Variants in WWOX observed in about 807,000 individuals in gnomAD.
WWOX encodes the protein WW domain-containing oxidoreductase.
Under a neutral mutation model 46.2 loss-of-function variants are expected in WWOX, and 69 were observed. The ratio of observed to expected loss-of-function variants is 1.49; its 90% CI spans 1.23 to 1.82. WWOX has a LOEUF of 1.82. WWOX is among the 40% of genes most tolerant of loss of function. WWOX has a pLI of 0.00. For synonymous variants in WWOX, 359 were observed against 202.6 expected (o/e 1.77, Z -6.56); for missense variants, 919 against 542.6 (o/e 1.69, Z -6.89).
chr16:78,859,333 C>T (rs1464415983), intron 8 of WWOX, among the ~76,000 whole-genome samples: 1 of 151,908 alleles, frequency 6.6e-6, no homozygotes, highest in Admixed American at 6.6e-5. Context: ...TCCCTACTCC[C>T]TTCCTGCAAT....
intron 8 of WWOX, among the ~76,000 whole-genome samples, chr16:78,435,856 G>A (rs566764175): frequency 6.6e-5 from 10 of 152,264 alleles, no homozygotes; most frequent in East Asian, 1.9e-4. Flanking sequence ...TGTAAGGACC[G>A]ACAATAATGC....
intron 5 of WWOX, among the ~76,000 whole-genome samples, chr16:78,190,297 G>A (rs968130018): frequency 1.3e-5 from 2 of 152,178 alleles, no homozygotes; most frequent in Admixed American, 6.5e-5. Flanking sequence ...CAGGGAGACA[G>A]TAAGAAAGGT....
At chr16:78,810,016 C>T (rs907040968) in intron 8 of WWOX, among the ~76,000 whole-genome samples, 1 of 152,156 alleles carries the variant, frequency 6.6e-6, no homozygotes, top group Non-Finnish European at 1.5e-5. Flanking sequence ...ATGGATTCAT[C>T]AAAGGAAAAA....
At chr16:78,188,723 A>G (rs1020301251) in intron 5 of WWOX, among the ~76,000 whole-genome samples, 35 of 152,134 alleles carry the variant, frequency 2.3e-4, no homozygotes, top group Non-Finnish European at 4.3e-4. Context: ...GGCTTACATA[A>G]AGGTATTGAC....
At chr16:78,846,507 C>G (rs899327249) in intron 8 of WWOX, among the ~76,000 whole-genome samples, 1 of 152,032 alleles carries the variant, frequency 6.6e-6, no homozygotes, top group Non-Finnish European at 1.5e-5. Flanking sequence ...TTGGGTTTGT[C>G]TGATGTGTTC....
chr16:78,792,364 T>C (rs2050628661), intron 8 of WWOX, among the ~76,000 whole-genome samples: 1 of 151,966 alleles, frequency 6.6e-6, no homozygotes, highest in Non-Finnish European at 1.5e-5. Flanking sequence ...TGGTTAAAGG[T>C]AGAAACAGAA....
chr16:78,849,839 GAGGTGGTCAGATCACCTA>G (rs1439545664), intron 8 of WWOX, among the ~76,000 whole-genome samples: 1 of 152,092 alleles, frequency 6.6e-6, no homozygotes, highest in Non-Finnish European at 1.5e-5. Flanking sequence ...TTGGGAGGCC[GAGGTGGTCAGATCACCTA>G]AGGTTGGGAG....
At chr16:78,706,512 C>G (rs1170083444) in intron 8 of WWOX, among the ~76,000 whole-genome samples, 1 of 152,122 alleles carries the variant, frequency 6.6e-6, no homozygotes, top group Non-Finnish European at 1.5e-5. Context: ...TTTTCATTTC[C>G]CTTTATATTC....
At chr16:79,138,009 G>A (rs982426359) in intron 8 of WWOX, among the ~76,000 whole-genome samples, 1 of 152,188 alleles carries the variant, frequency 6.6e-6, no homozygotes, top group African/African-American at 2.4e-5. Flanking sequence ...CCAAGGAAGG[G>A]AAATGTTTTA....
intron 5 of WWOX, among the ~76,000 whole-genome samples, chr16:78,225,432 C>T (rs560788528): frequency 1.3e-5 from 2 of 152,132 alleles, no homozygotes; most frequent in South Asian, 2.1e-4. Context: ...TTTTGTTTTA[C>T]TTTTGTCTTT....
intron 8 of WWOX, among the ~76,000 whole-genome samples, chr16:79,130,115 A>T (rs932447121): frequency 7.2e-5 from 11 of 152,288 alleles, no homozygotes; most frequent in South Asian, 2.1e-4. Flanking sequence ...GTTACAGATG[A>T]GATGTGTAAT....
chr16:78,800,247 C>CA (rs35201990), intron 8 of WWOX, among the ~76,000 whole-genome samples: 45,840 of 146,404 alleles, frequency 0.31, 7,320 homozygotes, highest in African/African-American at 0.38. Context: ...TGTTCCATGG[C>CA]AAAAAAAAAA....
At position 78,274,599 on chromosome 16, in the gene WWOX, A is replaced by G. The variant is rs2151849404; in HGVS notation, c.516+110310A>G. 1.3e-5 allele frequency among the ~76,000 whole-genome samples: 2 copies of G among 152,282 alleles called. 1 individual carries two copies. Among genetic ancestry groups the G allele is most frequent in the African/African-American group, 4.8e-5 (2 of 41,556 alleles). ...ATTCTGGTGAACACATCCAATGTTC[A>G]ATGTTGCTCATCAGGGTAAGAGTTC... On this transcript the variant is annotated intron_variant, in intron 5 of 8. Coordinates refer to ENST00000566780, the MANE Select transcript of WWOX (RefSeq NM_016373.4).
chr16:78,530,185 A>C (rs1222405002), intron 8 of WWOX, among the ~76,000 whole-genome samples: 2 of 152,032 alleles, frequency 1.3e-5, no homozygotes, highest in Admixed American at 1.3e-4. Context: ...GATGCCCGTG[A>C]CCCCTGAAAC....
chr16:79,198,254 C>G (rs1406724962), intron 8 of WWOX, among the ~76,000 whole-genome samples: 1 of 152,106 alleles, frequency 6.6e-6, no homozygotes, highest in Non-Finnish European at 1.5e-5. Flanking sequence ...AGGAGAATCG[C>G]TTGAACCTGG....
At chr16:78,552,396 A>T (rs2044195324) in intron 8 of WWOX, 1 of 152,206 alleles carries the variant, frequency 6.6e-6, no homozygotes, top group African/African-American at 2.4e-5. Flanking sequence ...ACTTCTTTAA[A>T]AGGGAATAGC....
chr16:78,666,641 G>A (rs1597416243), intron 8 of WWOX, among the ~76,000 whole-genome samples: 1 of 152,190 alleles, frequency 6.6e-6, no homozygotes, highest in African/African-American at 2.4e-5. Flanking sequence ...AACAAGATCT[G>A]CTGATTGGCA....
intron 5 of WWOX, among the ~76,000 whole-genome samples, chr16:78,344,467 C>A (rs1311577213): frequency 8.2e-6 from 1 of 121,412 alleles, no homozygotes; most frequent in Non-Finnish European, 2.0e-5. Context: ...TCTTATGTTT[C>A]TGCTTAGATG....
chr16:78,917,586 T>A (rs2045281823), intron 8 of WWOX, among the ~76,000 whole-genome samples: 1 of 152,076 alleles, frequency 6.6e-6, no homozygotes, highest in South Asian at 2.1e-4. Flanking sequence ...CAATCAAACA[T>A]ATTTTCATTC....
Sources: allele counts gnomAD v4.1 joint callset (sites outside exome capture counted in the v4.1 genomes callset), GRCh38; gene constraint gnomAD v4.1.1; transcripts MANE v1.5; gene names NCBI Gene and HGNC (gene_info 2026-07-23, HGNC 2026-07-21).